MYO5B: variants seen among roughly 807,000 people sequenced by gnomAD.
MYO5B encodes myosin VB.
In MYO5B, 143 loss-of-function variants were observed where a neutral mutation model predicts 229.3. That is an observed-to-expected ratio of 0.62 (90% CI 0.54 to 0.72). The LOEUF is 0.72. MYO5B is among the 30% of genes least tolerant of loss of function. The pLI is 0.00. For synonymous variants in MYO5B, 918 were observed against 885.2 expected (o/e 1.04, Z -0.66); for missense variants, 2,321 against 2,331.0 (o/e 1.00, Z 0.09).
intron 2 of MYO5B, among the ~76,000 whole-genome samples, chr18:50,054,535 T>G (rs1198264088): frequency 6.6e-6 from 1 of 152,102 alleles, no homozygotes; most frequent in East Asian, 1.9e-4. Flanking sequence ...GCATATAGGG[T>G]GAGCATCCAT....
At chr18:50,007,479 C>T (rs76622186) in intron 4 of MYO5B, among the ~76,000 whole-genome samples, 51 of 152,268 alleles carry the variant, frequency 3.3e-4, no homozygotes, top group Non-Finnish European at 1.6e-4. Context: ...AAATGAACAT[C>T]GGACCATTCT....
intron 16 of MYO5B, among the ~76,000 whole-genome samples, chr18:49,929,991 C>A (rs539674403): frequency 3.1e-4 from 47 of 152,324 alleles, no homozygotes; most frequent in Non-Finnish European, 5.3e-4. Flanking sequence ...AGCATATATG[C>A]TTAGCCCCAT....
chr18:50,106,185 C>G (rs548263984), intron 1 of MYO5B, among the ~76,000 whole-genome samples: 1 of 152,136 alleles, frequency 6.6e-6, no homozygotes, highest in Non-Finnish European at 1.5e-5. Flanking sequence ...TCCCGATTCT[C>G]TCCCAAATCT....
chr18:49,843,217 T>C, intron 34 of MYO5B, 24 bp downstream of exon 34: 3 of 1,613,054 alleles, frequency 1.9e-6, no homozygotes, highest in Non-Finnish European at 2.5e-6. Flanking sequence ...CCACAAACCA[T>C]GACCTTCTGC....
intron 1 of MYO5B, among the ~76,000 whole-genome samples, chr18:50,192,740 C>T (rs1293098218): frequency 6.6e-6 from 1 of 152,190 alleles, no homozygotes; most frequent in Admixed American, 6.5e-5. Context: ...AACTAAATGA[C>T]CTGCATCTTT....
intron 1 of MYO5B, among the ~76,000 whole-genome samples, chr18:50,096,032 C>T (rs1376709341): frequency 6.6e-6 from 1 of 152,150 alleles, no homozygotes; most frequent in Non-Finnish European, 1.5e-5. Flanking sequence ...TCCCAGTCAC[C>T]AAGCTCAGAA....
chr18:50,146,767 T>G (rs191739349), intron 1 of MYO5B, among the ~76,000 whole-genome samples: 2 of 152,366 alleles, frequency 1.3e-5, no homozygotes, highest in South Asian at 2.1e-4. Context: ...AAAGAGGATG[T>G]GAACAAAGTG....
At chr18:49,970,875 T>C (rs2025684186) in intron 10 of MYO5B, 1 of 152,206 alleles carries the variant, frequency 6.6e-6, no homozygotes, top group Admixed American at 6.5e-5. Context: ...TCTTTTCCAC[T>C]TCCCGGATGT....
intron 5 of MYO5B, among the ~76,000 whole-genome samples, chr18:49,993,341 A>T (rs1044189338): frequency 1.3e-5 from 2 of 151,896 alleles, no homozygotes; most frequent in Non-Finnish European, 1.5e-5. Flanking sequence ...CAATACAAGC[A>T]GAAGAACTAT....
intron 17 of MYO5B, among the ~76,000 whole-genome samples, chr18:49,913,449 T>C (rs1183555968): frequency 6.6e-6 from 1 of 152,206 alleles, no homozygotes; most frequent in Non-Finnish European, 1.5e-5. Flanking sequence ...CTTTGAATTT[T>C]CACTCTACAT....
At position 49,980,633 on chromosome 18, in the gene MYO5B, T is replaced by G; in HGVS notation, c.947-80A>C. On this transcript the variant is annotated intron_variant, in intron 8 of 39. Transcript: ENST00000285039. ...ACATTTTACCCCTTTTAAGGACATT[T>G]TTTTTTTTAATAAGGTTTGATTTTT... The G allele has an allele frequency of 2.8e-6, 3 of 1,053,644 alleles. No individual in the cohort carries two copies. The East Asian group carries it at 7.4e-5, about 26-fold the overall frequency. 65.3% of individuals were successfully genotyped at this position (1,053,644 alleles called of 1,614,324 possible).
intron 1 of MYO5B, among the ~76,000 whole-genome samples, chr18:50,143,523 C>T (rs994173665): frequency 3.9e-5 from 6 of 152,086 alleles, no homozygotes; most frequent in Non-Finnish European, 5.9e-5. Context: ...GGCATTAGAG[C>T]GGTTGATCTG....
At chr18:49,912,025 G>T in intron 18 of MYO5B, 37 bp downstream of exon 18, 4 of 1,531,692 alleles carry the variant, frequency 2.6e-6, no homozygotes, top group Non-Finnish European at 3.6e-6. Context: ...TAGGGGACCT[G>T]GTCAGGCCTC....
chr18:50,170,966 C>G lies in MYO5B; in HGVS notation c.27+23801G>C, dbSNP rs2032913134. Among the ~76,000 whole-genome samples, 2 of 127,602 alleles carry G rather than the reference C, an allele frequency of 1.6e-5. 1 individual carries two copies. The highest frequency in any genetic ancestry group is 3.3e-5 in the Non-Finnish European group (2 of 59,866). 83.7% of individuals were successfully genotyped at this position (127,602 alleles called of 152,430 possible). A position where few individuals can be genotyped will look rare whatever the true frequency, so the allele number is the denominator to read the frequency against. ...TTTCAGAAGTGAAGAGCTGCAAAAT[C>G]CCGTTACCCCGTGGTGAACCCACAC... is the stretch of plus-strand genomic sequence containing the variant. On this transcript the variant is annotated intron_variant, in intron 1 of 39. Transcript: ENST00000285039.
At chr18:49,955,962 A>G (rs773998911) in intron 12 of MYO5B, among the ~76,000 whole-genome samples, 2 of 152,248 alleles carry the variant, frequency 1.3e-5, no homozygotes, top group Non-Finnish European at 2.9e-5. Context: ...GCAAACACGT[A>G]AAATTGGCTA....
intron 14 of MYO5B, among the ~76,000 whole-genome samples, chr18:49,939,731 C>A (rs1381772938): frequency 2.0e-5 from 3 of 152,102 alleles, no homozygotes. Context: ...ATGCCCAGGT[C>A]AGAATTTGTT....
intron 39 of MYO5B, among the ~76,000 whole-genome samples, chr18:49,834,724 C>T (rs959345836): frequency 5.9e-5 from 9 of 152,078 alleles, no homozygotes; most frequent in East Asian, 1.9e-4. Flanking sequence ...CTGCAAGCTC[C>T]GCCTCCCAGG....
intron 1 of MYO5B, among the ~76,000 whole-genome samples, chr18:50,132,334 A>G (rs2032267273): frequency 6.6e-6 from 1 of 152,188 alleles, no homozygotes; most frequent in African/African-American, 2.4e-5. Flanking sequence ...GACCTTATCC[A>G]AGTTACTAAA....
At chr18:50,084,178 A>C (rs1430976175) in intron 1 of MYO5B, among the ~76,000 whole-genome samples, 1 of 152,232 alleles carries the variant, frequency 6.6e-6, no homozygotes, top group African/African-American at 2.4e-5. Context: ...AATGAAAAGA[A>C]GACTCTGTGC....
Sources: allele counts gnomAD v4.1 joint callset (sites outside exome capture counted in the v4.1 genomes callset), GRCh38; gene constraint gnomAD v4.1.1; transcripts MANE v1.5; gene names NCBI Gene and HGNC (gene_info 2026-07-23, HGNC 2026-07-21).